Variants in SYNPR observed in about 807,000 individuals in gnomAD.
The protein encoded by SYNPR is synaptoporin.
A neutral mutation model predicts 32.9 loss-of-function variants in SYNPR; 23 were observed. The observed-to-expected ratio is 0.70, with a 90% confidence interval of 0.50 to 0.99. The LOEUF (loss-of-function observed/expected upper bound fraction) is 0.99. SYNPR is among the 50% of genes least tolerant of loss of function. SYNPR has a pLI of 0.00. For missense variants in SYNPR, 318 were observed against 349.3 expected (o/e 0.91, Z 0.71); for synonymous variants, 146 against 135.9 (o/e 1.07, Z -0.52).
At chr3:63,367,431 G>A (rs1045676959) in intron 2 of SYNPR, among the ~76,000 whole-genome samples, 5 of 151,796 alleles carry the variant, frequency 3.3e-5, no homozygotes, top group Admixed American at 1.3e-4. Context: ...GCGATCTCGG[G>A]TTACTGCACC....
intron 2 of SYNPR, among the ~76,000 whole-genome samples, chr3:63,311,129 T>A (rs2086959362): frequency 6.6e-6 from 1 of 151,980 alleles, no homozygotes; most frequent in African/African-American, 2.4e-5. Context: ...TGGTTAATAA[T>A]CTATTTGCTT....
chr3:63,349,788 G>A (rs2087481924), intron 2 of SYNPR, among the ~76,000 whole-genome samples: 1 of 152,154 alleles, frequency 6.6e-6, no homozygotes, highest in South Asian at 2.1e-4. Flanking sequence ...AGTAGGTGGC[G>A]AAAGCGTAGA....
chr3:63,355,608 A>G (rs931445592), intron 2 of SYNPR, among the ~76,000 whole-genome samples: 4 of 152,104 alleles, frequency 2.6e-5, no homozygotes, highest in Non-Finnish European at 5.9e-5. Context: ...AAGGTTCTGA[A>G]TCTTCCCTAT....
intron 2 of SYNPR, among the ~76,000 whole-genome samples, chr3:63,445,881 C>T (rs1242981040): frequency 6.6e-6 from 1 of 152,160 alleles, no homozygotes; most frequent in Non-Finnish European, 1.5e-5. Flanking sequence ...TCCTATTTTT[C>T]CCCATTCTGA....
intron 2 of SYNPR, among the ~76,000 whole-genome samples, chr3:63,349,187 C>A (rs573646761): frequency 2.0e-5 from 3 of 152,040 alleles, no homozygotes; most frequent in Non-Finnish European, 4.4e-5. Flanking sequence ...ACTGCAACCT[C>A]CACCTCCCGA....
the SYNPR span, among the ~76,000 whole-genome samples, chr3:63,202,499 G>A: frequency 2.1e-4 from 32 of 152,230 alleles, no homozygotes; most frequent in East Asian, 1.4e-3. Context: ...TCAGTGGGCC[G>A]TGAACACAGG....
chr3:63,343,107 G>A (rs959409072), intron 2 of SYNPR, among the ~76,000 whole-genome samples: 1 of 152,072 alleles, frequency 6.6e-6, no homozygotes, highest in Non-Finnish European at 1.5e-5. Context: ...CCCAGAGAAG[G>A]CGACAAGTTT....
chr3:63,436,503 G>C (rs758266716), intron 2 of SYNPR, among the ~76,000 whole-genome samples: 1 of 152,138 alleles, frequency 6.6e-6, no homozygotes, highest in Non-Finnish European at 1.5e-5. Context: ...AACCTGAGTC[G>C]CCTTGTCTCC....
intron 1 of SYNPR, among the ~76,000 whole-genome samples, chr3:63,243,573 T>C (rs1444916375): frequency 3.9e-5 from 6 of 152,086 alleles, no homozygotes; most frequent in Admixed American, 1.3e-4. Flanking sequence ...ATTCTTCCAA[T>C]AATGCTAACT....
chr3:63,295,682 T>G (rs2106935482), intron 2 of SYNPR, among the ~76,000 whole-genome samples: 1 of 152,338 alleles, frequency 6.6e-6, no homozygotes, highest in South Asian at 2.1e-4. Context: ...TTCTTATAAA[T>G]ATACTTGATA....
intron 2 of SYNPR, among the ~76,000 whole-genome samples, chr3:63,262,505 T>C (rs995221298): frequency 6.6e-6 from 1 of 152,198 alleles, no homozygotes; most frequent in African/African-American, 2.4e-5. Context: ...TAGACTGTGA[T>C]ACTGTATCCT....
chr3:63,265,787 G>A (rs564478660), intron 2 of SYNPR, among the ~76,000 whole-genome samples: 36 of 152,098 alleles, frequency 2.4e-4, no homozygotes, highest in East Asian at 3.9e-4. Flanking sequence ...TATCACCACT[G>A]TTGTCCTAAT....
chr3:63,415,125 T>C (rs1176882679), intron 2 of SYNPR, among the ~76,000 whole-genome samples: 1 of 152,228 alleles, frequency 6.6e-6, no homozygotes, highest in Non-Finnish European at 1.5e-5. Flanking sequence ...TATGAATTCT[T>C]TTCCTACTTT....
chr3:63,426,372 T>G (rs1699893162), intron 2 of SYNPR, among the ~76,000 whole-genome samples: 1 of 152,214 alleles, frequency 6.6e-6, no homozygotes, highest in Non-Finnish European at 1.5e-5. Flanking sequence ...ATTCTTTCCC[T>G]ACTTTATGTC....
intron 4 of SYNPR, among the ~76,000 whole-genome samples, chr3:63,608,537 T>G (rs78493784): frequency 0.025 from 3,852 of 152,324 alleles, 152 homozygotes; most frequent in African/African-American, 0.082. Flanking sequence ...CCACATTGGT[T>G]AACATATTGG....
At chr3:63,253,654 AAGTCAGGAAACTAC>A in intron 2 of SYNPR, among the ~76,000 whole-genome samples, 1 of 152,330 alleles carries the variant, frequency 6.6e-6, no homozygotes, top group East Asian at 1.9e-4. Context: ...GATCATTAAA[AAGTCAGGAAACTAC>A]AGGTGCTGGA....
intron 2 of SYNPR, among the ~76,000 whole-genome samples, chr3:63,430,190 G>T (rs576166415): frequency 6.6e-6 from 1 of 152,160 alleles, no homozygotes; most frequent in South Asian, 2.1e-4. Flanking sequence ...TCCAATGTGG[G>T]CTAATTGTAC....
intron 2 of SYNPR, among the ~76,000 whole-genome samples, chr3:63,255,821 C>T (rs979476084): frequency 2.6e-5 from 4 of 151,912 alleles, no homozygotes; most frequent in African/African-American, 9.7e-5. Context: ...CTTTCCTAGT[C>T]AAAAAAAGGG....
At chr3:63,437,801 A>T (rs1700111497) in intron 2 of SYNPR, among the ~76,000 whole-genome samples, 1 of 152,156 alleles carries the variant, frequency 6.6e-6, no homozygotes, top group Non-Finnish European at 1.5e-5. Flanking sequence ...AAGGGAATAA[A>T]TACCCTGACC....
Sources: allele counts gnomAD v4.1 joint callset (sites outside exome capture counted in the v4.1 genomes callset), GRCh38; gene constraint gnomAD v4.1.1; transcripts MANE v1.5; gene names NCBI Gene and HGNC (gene_info 2026-07-23, HGNC 2026-07-21).